SVEP1: variants seen among roughly 807,000 people sequenced by gnomAD.
SVEP1 encodes sushi, von Willebrand factor type A, EGF and pentraxin domain-containing protein 1.
A neutral mutation model predicts 367.3 loss-of-function variants in SVEP1; 164 were observed. That is an observed-to-expected ratio of 0.45 (90% CI 0.39 to 0.51). SVEP1 has a LOEUF of 0.51. Ranked by LOEUF, SVEP1 falls within the 20% of genes least tolerant of loss-of-function variation. The pLI is 0.00. For synonymous variants in SVEP1, 1,666 were observed against 1,611.6 expected, an observed-to-expected ratio of 1.03 and a Z score of -0.81; for missense variants, 4,117 against 4,425.3, an observed-to-expected ratio of 0.93 and a Z score of 1.98.
At chr9:110,481,006 C>T (rs908948013) in intron 12 of SVEP1, among the ~76,000 whole-genome samples, 3 of 152,106 alleles carry the variant, frequency 2.0e-5, no homozygotes, top group Admixed American at 6.5e-5. Flanking sequence ...AATGAGAGGG[C>T]TCAGATGGTT....
At chr9:110,402,306 T>C (rs930122153) in intron 39 of SVEP1, among the ~76,000 whole-genome samples, 1 of 152,194 alleles carries the variant, frequency 6.6e-6, no homozygotes, top group Non-Finnish European at 1.5e-5. Flanking sequence ...AACTCTGTGA[T>C]ATGTTTTAGT....
At chr9:110,576,189 ATGTT>A (rs1428060706) in intron 1 of SVEP1, among the ~76,000 whole-genome samples, 2 of 152,108 alleles carry the variant, frequency 1.3e-5, no homozygotes, top group Non-Finnish European at 2.9e-5. Context: ...TAGTTACACA[ATGTT>A]TGTAACAGCC....
intron 3 of SVEP1, among the ~76,000 whole-genome samples, chr9:110,529,679 G>A (rs1402504179): frequency 4.6e-5 from 7 of 152,020 alleles, no homozygotes; most frequent in Non-Finnish European, 1.0e-4. Flanking sequence ...GTTGGTGGTG[G>A]TGTATAGCAG....
chr9:110,387,416 G>A lies in SVEP1; in HGVS notation c.9929C>T (p.Ala3310Val), dbSNP rs963660922. ...ETPLEFLNGK[A>V]DIENRTTGPN... ...TCCAGTCGTCCTGTTTTCAATGTCA[G>A]CTTTCCCATTGAGAAATTCAAGTGG... Residue 3310 changes from alanine (A) to valine (V), a missense_variant, in exon 42 of 48, where the codon GCT becomes GTT. Around this residue, in one of 4 missense-constraint regions of SVEP1, gnomAD observed 1,765 missense variants for 1,781.1 expected, o/e 0.99. Coordinates refer to ENST00000374469, the MANE Select transcript of SVEP1 (RefSeq NM_153366.4). 3.1e-6 allele frequency: 5 copies of A among 1,612,086 alleles called. No homozygotes were observed. The highest frequency in any genetic ancestry group is 4.2e-6 in the Non-Finnish European group (5 of 1,179,564).
chr9:110,451,865 G>A (rs1472415360), intron 22 of SVEP1, among the ~76,000 whole-genome samples: 1 of 152,142 alleles, frequency 6.6e-6, no homozygotes, highest in Non-Finnish European at 1.5e-5. Flanking sequence ...TTTCTGTGCA[G>A]CTGTCCCATG....
rs1278431700 is a variant in SVEP1, at chr9:110,429,243, CTGG to C, written c.5704_5706del (p.Pro1902del). On this transcript the variant is annotated inframe_deletion, in exon 35 of 48. Coordinates refer to ENST00000374469, the MANE Select transcript of SVEP1 (RefSeq NM_153366.4). Reference sequence around the variant, plus strand: ...ATATTTTCCGGACTAGAACACTTCACTGGTTCACACACAGGAGGGGAATGACTC... The same window carrying C: ...ATATTTTCCGGACTAGAACACTTCACTTCACACACAGGAGGGGAATGACTC... The C allele has an allele frequency of 6.3e-7, 1 of 1,596,430 alleles. No individual in the cohort carries two copies. Among genetic ancestry groups the C allele is most frequent in the Non-Finnish European group, 8.5e-7 (1 of 1,170,934 alleles).
intron 3 of SVEP1, among the ~76,000 whole-genome samples, chr9:110,525,267 G>A (rs1250970166): frequency 6.6e-6 from 1 of 152,102 alleles, no homozygotes; most frequent in African/African-American, 2.4e-5. Flanking sequence ...CAAAGTTGCA[G>A]GACACAATGG....
At chr9:110,465,812 T>G in intron 18 of SVEP1, 53 bp downstream of exon 18, 2 of 1,565,922 alleles carry the variant, frequency 1.3e-6, no homozygotes, top group Non-Finnish European at 1.7e-6. Flanking sequence ...CACTCCTTCA[T>G]GCATAGAACC....
In SVEP1 at chr9:110,407,015, C is replaced by T. The variant is rs758610136; in HGVS notation, c.8585G>A (p.Gly2862Glu). The T allele has an allele frequency of 1.2e-6, 2 of 1,613,942 alleles. No homozygotes were observed. Among genetic ancestry groups the T allele is most frequent in the Admixed American group, 1.7e-5 (1 of 60,014 alleles). The change falls in exon 38 of 48, where the codon GGG (glycine) becomes GAG (glutamate). Residue 2862 changes from glycine to glutamate, a missense_variant. Physicochemically the swap from Gly to Glu is moderately conservative, Grantham distance 98. Transcript: ENST00000374469. The part of the protein sequence containing the change: ...QKEIEYTCNE[G>E]FLLEGARSRV... ...ACTCCTGGCTCCCTCAAGCAAGAAC[C>T]CTTCATTGCAAGTGTATTCAATCTC... is the stretch of plus-strand genomic sequence containing the variant.
At chr9:110,507,222 A>T (rs1345523366) in intron 5 of SVEP1, among the ~76,000 whole-genome samples, 1 of 152,228 alleles carries the variant, frequency 6.6e-6, no homozygotes, top group African/African-American at 2.4e-5. Flanking sequence ...ATTTTTGAAC[A>T]AAACATTTGG....
chr9:110,536,783 G>C (rs964790467), intron 3 of SVEP1, among the ~76,000 whole-genome samples: 1 of 151,778 alleles, frequency 6.6e-6, no homozygotes, highest in African/African-American at 2.4e-5. Context: ...TGCCATGTTG[G>C]TGTGCTGCAC....
chr9:110,369,854 C>T, intron 47 of SVEP1, 69 bp downstream of exon 47: 1 of 1,346,962 alleles, frequency 7.4e-7, no homozygotes, highest in South Asian at 1.3e-5. Context: ...ACTTCTGGCT[C>T]TTAGGACAAT....
At chr9:110,443,011 C>T (rs537566792) in intron 27 of SVEP1, 1 of 152,254 alleles carries the variant, frequency 6.6e-6, no homozygotes, top group South Asian at 2.1e-4. Flanking sequence ...GCATATACTT[C>T]TATAGATGTA....
intron 40 of SVEP1, among the ~76,000 whole-genome samples, chr9:110,395,461 C>T (rs565237104): frequency 6.6e-6 from 1 of 152,232 alleles, no homozygotes; most frequent in Non-Finnish European, 1.5e-5. Flanking sequence ...GCAAAATAGC[C>T]AGCTGACATC....
intron 43 of SVEP1, among the ~76,000 whole-genome samples, chr9:110,382,552 A>G (rs1197420151): frequency 6.6e-6 from 1 of 151,948 alleles, no homozygotes; most frequent in Non-Finnish European, 1.5e-5. Flanking sequence ...CTTGGGGTTG[A>G]TCTTCTCATG....
At chr9:110,527,339 A>G (rs1829951603) in intron 3 of SVEP1, among the ~76,000 whole-genome samples, 1 of 152,060 alleles carries the variant, frequency 6.6e-6, no homozygotes, top group Non-Finnish European at 1.5e-5. Flanking sequence ...GAAAATTTCA[A>G]GTTATATCCA....
intron 24 of SVEP1, among the ~76,000 whole-genome samples, chr9:110,448,406 C>T (rs545377607): frequency 6.6e-4 from 101 of 152,194 alleles, no homozygotes; most frequent in Non-Finnish European, 1.3e-3. Flanking sequence ...GCATGTCATA[C>T]GAAGACCTCT....
chr9:110,481,503 T>A, intron 11 of SVEP1, 67 bp from the exon 12 acceptor site: 5 of 1,246,918 alleles, frequency 4.0e-6, no homozygotes, highest in Non-Finnish European at 5.2e-6. Flanking sequence ...TTCCAGGAGC[T>A]TAAGCAGAAT....
At position 110,408,361 on chromosome 9, in the gene SVEP1, G is replaced by A; in HGVS notation, c.7239C>T (p.Phe2413=). ...TVKYSCVGGF[F]LRGNSTTLCQ... ...AGAGGGTGGTAGAATTTCCTCTTAG[G>A]AAAAACCCACCTACACAAGAATACT... is the stretch of plus-strand genomic sequence containing the variant. Residue 2413 remains phenylalanine, a synonymous_variant, in exon 38 of 48, where the codon TTC becomes TTT. Transcript: ENST00000374469. The A allele has an allele frequency of 6.2e-7, 1 of 1,613,860 alleles. No individual in the cohort carries two copies. Among genetic ancestry groups the A allele is most frequent in the South Asian group, 1.1e-5 (1 of 91,050 alleles).
Sources: gnomAD v4.1 joint callset for allele counts (sites outside exome capture counted in the v4.1 genomes callset) on GRCh38, gnomAD v4.1.1 for gene constraint, gnomAD v4.1.1 regional missense constraint, MANE v1.5 for transcripts, NCBI Gene and HGNC (gene_info 2026-07-23, HGNC 2026-07-21) for gene names.